ERI1: variants seen among roughly 807,000 people sequenced by gnomAD.
ERI1 encodes exoribonuclease 1.
A neutral mutation model predicts 39.7 loss-of-function variants in ERI1; 39 were observed. The observed-to-expected ratio is 0.98, with a 90% CI of 0.76 to 1.28. The LOEUF is 1.28. Ranked by LOEUF, ERI1 falls within the 50% of genes most tolerant of loss-of-function variation. The pLI is 0.00. For synonymous variants in ERI1, 204 were observed against 149.6 expected, an observed-to-expected ratio of 1.36 and a Z score of -2.65; for missense variants, 581 against 416.9, an observed-to-expected ratio of 1.39 and a Z score of -3.43.
chr8:9,058,894 C>T (rs1177114825), intron 3 of ERI1, among the ~76,000 whole-genome samples: 1 of 151,810 alleles, frequency 6.6e-6, no homozygotes. Flanking sequence ...CCTTTTTAAC[C>T]GTCTCATACA....
At chr8:9,016,266 G>A (rs527967319) in intron 3 of ERI1, 56 bp from the exon 4 acceptor site, 3 of 1,083,078 alleles carry the variant, frequency 2.8e-6, no homozygotes, top group Non-Finnish European at 2.7e-6. Context: ...CGTGTATCAT[G>A]TATCGTGTAT....
downstream of ERI1, among the ~76,000 whole-genome samples, chr8:9,034,835 C>T (rs1473736854): frequency 6.6e-6 from 1 of 152,132 alleles, no homozygotes; most frequent in Admixed American, 6.5e-5. Context: ...TCCAAATTAG[C>T]AAAGTTGTAA....
At chr8:9,065,313 A>C (rs1266974133) in intron 3 of ERI1, among the ~76,000 whole-genome samples, 2 of 151,986 alleles carry the variant, frequency 1.3e-5, no homozygotes, top group Non-Finnish European at 2.9e-5. Flanking sequence ...CTTTGAGGTG[A>C]TGATGAACTT....
chr8:9,021,834 G>A (rs1435288631), intron 6 of ERI1, among the ~76,000 whole-genome samples: 1 of 142,780 alleles, frequency 7.0e-6, no homozygotes, highest in Non-Finnish European at 1.5e-5. Context: ...TGTCACTGCA[G>A]TTCATTCACT....
chr8:9,018,365 G>A lies in ERI1; in HGVS notation c.651G>A (p.Lys217=), dbSNP rs749050252. ...AAGTAATTGACTGGATGAAATTGAA[G>A]GAATTAGGAACAAAGTATAAATACT... ...LKKVIDWMKL[K]ELGTKYKYSL... The change falls in exon 5 of 7, where the codon AAG becomes AAA. Residue 217 remains lysine, a synonymous_variant. Transcript: ENST00000250263. 3.7e-6 allele frequency: 6 copies of A among 1,610,622 alleles called. No individual in the cohort carries two copies. Among genetic ancestry groups the A allele is most frequent in the Non-Finnish European group, 5.1e-6 (6 of 1,177,120 alleles).
chr8:9,057,243 C>T (rs930226087), intron 3 of ERI1, among the ~76,000 whole-genome samples: 1 of 152,150 alleles, frequency 6.6e-6, no homozygotes, highest in Non-Finnish European at 1.5e-5. Context: ...CTCCTGGGTT[C>T]AAGTGATCCT....
intron 1 of ERI1, among the ~76,000 whole-genome samples, chr8:9,006,647 G>C (rs1241223037): frequency 6.6e-6 from 1 of 152,156 alleles, no homozygotes; most frequent in South Asian, 2.1e-4. Context: ...ATATATTGTT[G>C]AAAGTGAATC....
rs893204009 is a variant in ERI1 at position 9,032,893 on chromosome 8, T to G, written c.*2859T>G. On this transcript the variant is annotated 3_prime_UTR_variant, in exon 7 of 7. Coordinates refer to ENST00000250263, the MANE Select transcript of ERI1 (RefSeq NM_153332.4). ...GCATTGTCAAAGTCTGAGAAGGATGTATTGTACTTTGAAGGAAGACTTTCC... is the reference window on the plus strand; with the variant it reads ...GCATTGTCAAAGTCTGAGAAGGATGGATTGTACTTTGAAGGAAGACTTTCC... 6.6e-6 allele frequency: 1 copy of G among 152,206 alleles called. No homozygotes were observed. Among genetic ancestry groups the G allele is most frequent in the African/African-American group, 2.4e-5 (1 of 41,440 alleles). 9.4% of individuals were successfully genotyped at this position (152,206 alleles called of 1,614,324 possible).
intron 3 of ERI1, among the ~76,000 whole-genome samples, chr8:9,082,740 A>G (rs1799407341): frequency 6.6e-6 from 1 of 152,180 alleles, no homozygotes; most frequent in Non-Finnish European, 1.5e-5. Flanking sequence ...CAGAAAGTCC[A>G]CCCTTGAACC....
At chr8:9,028,440 A>G (rs1797339178) in intron 6 of ERI1, among the ~76,000 whole-genome samples, 1 of 152,198 alleles carries the variant, frequency 6.6e-6, no homozygotes, top group South Asian at 2.1e-4. Flanking sequence ...TAAGATAATT[A>G]TAGGTGTTTT....
intron 6 of ERI1, among the ~76,000 whole-genome samples, chr8:9,026,448 A>G (rs1454150109): frequency 6.6e-6 from 1 of 152,164 alleles, no homozygotes; most frequent in Non-Finnish European, 1.5e-5. Context: ...AGTTTGACTT[A>G]TCTATATACC....
intron 1 of ERI1, among the ~76,000 whole-genome samples, chr8:9,007,093 A>G (rs1430602597): frequency 6.6e-6 from 1 of 152,226 alleles, no homozygotes. Flanking sequence ...TTACAAATGA[A>G]TCTTTGGAAC....
chr8:9,020,132 G>C (rs1184599580), intron 5 of ERI1, among the ~76,000 whole-genome samples: 1 of 152,150 alleles, frequency 6.6e-6, no homozygotes, highest in Non-Finnish European at 1.5e-5. Flanking sequence ...ATAGGAATTA[G>C]TTTGTGAACA....
downstream of ERI1, among the ~76,000 whole-genome samples, chr8:9,036,357 C>T (rs1797844958): frequency 6.6e-6 from 1 of 152,204 alleles, no homozygotes; most frequent in Non-Finnish European, 1.5e-5. Flanking sequence ...CAATCTTCAT[C>T]ACCTACCACC....
intron 3 of ERI1, among the ~76,000 whole-genome samples, chr8:9,095,416 T>C (rs979688615): frequency 2.6e-5 from 4 of 152,178 alleles, no homozygotes; most frequent in African/African-American, 9.7e-5. Context: ...AATTCTGTAA[T>C]GGTAAGGAGT....
At chr8:9,084,257 A>G (rs1246474716) in intron 3 of ERI1, among the ~76,000 whole-genome samples, 1 of 152,148 alleles carries the variant, frequency 6.6e-6, no homozygotes, top group Non-Finnish European at 1.5e-5. Flanking sequence ...AGTGAGATTG[A>G]GACCCTGTCT....
chr8:9,086,140 G>A (rs375484537), intron 3 of ERI1, among the ~76,000 whole-genome samples: 2 of 152,350 alleles, frequency 1.3e-5, no homozygotes, highest in Non-Finnish European at 1.5e-5. Context: ...CGGGCCAGGT[G>A]TGGTGGCTCA....
intron 3 of ERI1, among the ~76,000 whole-genome samples, chr8:9,084,337 C>T (rs989202923): frequency 6.6e-6 from 1 of 152,150 alleles, no homozygotes; most frequent in Non-Finnish European, 1.5e-5. Flanking sequence ...GAAATGAATT[C>T]CAGAGAGCTG....
At position 9,085,683 on chromosome 8, in the gene ERI1, AG is replaced by A. The variant is rs1217371652; in HGVS notation, n.300-30662del. On this transcript the variant is annotated intron_variant and non_coding_transcript_variant, in intron 3 of 3. Coordinates refer to the ERI1 transcript ENST00000518663. ...ATCTGGCCCTTAACAGAGAAAGTTC[AG>A]GGCCCCTAATTTAGATTCACTCTAA... 7.2e-5 allele frequency among the ~76,000 whole-genome samples: 11 copies of A among 152,052 alleles called. No homozygotes were observed. The East Asian group carries it at 2.1e-3, about 30-fold the overall frequency.
Sources: allele counts gnomAD v4.1 joint callset (sites outside exome capture counted in the v4.1 genomes callset), GRCh38; gene constraint gnomAD v4.1.1; transcripts MANE v1.5; gene names NCBI Gene and HGNC (gene_info 2026-07-23, HGNC 2026-07-21).